The following CYP4X1 variants were observed in gnomAD, a reference collection of about 807,000 sequenced individuals.
CYP4X1 encodes the protein cytochrome P450 family 4 subfamily X member 1, also known as cytochrome P450 4X1.
Under a neutral mutation model 57.9 loss-of-function variants are expected in CYP4X1, and 44 were observed. The ratio of observed to expected loss-of-function variants is 0.76; its 90% CI spans 0.60 to 0.98. The LOEUF (loss-of-function observed/expected upper bound fraction) is 0.98, where lower values mean the gene tolerates loss of function less well. Ranked by LOEUF, CYP4X1 falls within the 50% of genes least tolerant of loss-of-function variation. The probability of loss-of-function intolerance (pLI) is 0.00; values close to 1 mark genes in which losing one functional copy is unlikely to be tolerated. For synonymous variants in CYP4X1, 227 were observed against 228.6 expected (o/e 0.99, Z 0.06); for missense variants, 532 against 623.9 (o/e 0.85, Z 1.57).
At chr1:47,008,020 C>T in the CYP4X1 span, among the ~76,000 whole-genome samples, 3 of 152,180 alleles carry the variant, frequency 2.0e-5, no homozygotes, top group South Asian at 2.1e-4. Flanking sequence ...TCCAGGAGAA[C>T]TTCCCCAATC....
At chr1:47,030,294 C>T (rs1357246807) in intron 2 of CYP4X1, among the ~76,000 whole-genome samples, 163 bp downstream of exon 2, 3 of 152,128 alleles carry the variant, frequency 2.0e-5, no homozygotes, top group Non-Finnish European at 4.4e-5. Flanking sequence ...AGGGGATTCC[C>T]ATATCCTCCC....
At chr1:47,004,299 A>G in the CYP4X1 span, among the ~76,000 whole-genome samples, 1 of 152,162 alleles carries the variant, frequency 6.6e-6, no homozygotes, top group African/African-American at 2.4e-5. Context: ...GTTTTGTCCA[A>G]TTCTTTGTTC....
the CYP4X1 span, among the ~76,000 whole-genome samples, chr1:47,005,606 A>C: frequency 4.6e-5 from 7 of 152,346 alleles, no homozygotes; most frequent in Non-Finnish European, 7.3e-5. Flanking sequence ...TGTTGTGACT[A>C]GCAAATTGGC....
At chr1:46,961,826 CCTA>C in the CYP4X1 span, 1 of 1,239,208 alleles carries the variant, frequency 8.1e-7, no homozygotes. Flanking sequence ...TCTGCCCTGC[CCTA>C]CTTAGTTGGT....
At chr1:46,974,992 G>A in the CYP4X1 span, among the ~76,000 whole-genome samples, 3 of 152,162 alleles carry the variant, frequency 2.0e-5, no homozygotes, top group African/African-American at 7.2e-5. Context: ...ATCTAAGCAT[G>A]TAGTGCATAA....
the CYP4X1 span, among the ~76,000 whole-genome samples, chr1:47,014,034 G>A: frequency 2.6e-5 from 4 of 151,880 alleles, no homozygotes; most frequent in African/African-American, 7.3e-5. Context: ...CTCGGCCTCC[G>A]AAAGTGCTGG....
rs114061113 is a variant in CYP4X1, at chr1:47,034,914, T to G, written c.493-892T>G. Among the ~76,000 whole-genome samples, 1,396 of 152,106 alleles carry G rather than the reference T, an allele frequency of 9.2e-3. 22 individuals carry two copies. Among genetic ancestry groups the G allele is most frequent in the African/African-American group, 0.032 (1,337 of 41,510 alleles). On this transcript the variant is annotated intron_variant, in intron 4 of 11. Coordinates refer to ENST00000371901, the MANE Select transcript of CYP4X1 (RefSeq NM_178033.2). ...TTTTCAAGCTTGGAAGCCTCCCTCCTGTTCTCATTTCTTCTACATTCACCA... is the reference window on the plus strand; with the variant it reads ...TTTTCAAGCTTGGAAGCCTCCCTCCGGTTCTCATTTCTTCTACATTCACCA...
chr1:47,041,315 G>A (rs759416554), intron 8 of CYP4X1, among the ~76,000 whole-genome samples: 1 of 151,956 alleles, frequency 6.6e-6, no homozygotes, highest in Non-Finnish European at 1.5e-5. Context: ...ATCCAGAAGT[G>A]GAATTGCTGC....
chr1:47,013,063 C>G, the CYP4X1 span, among the ~76,000 whole-genome samples: 2 of 151,724 alleles, frequency 1.3e-5, no homozygotes, highest in Non-Finnish European at 2.9e-5. Context: ...ACCGTTTTCT[C>G]GATGGTAGGC....
At position 47,030,143 on chromosome 1, in the gene CYP4X1, G is replaced by A. The variant is rs1391028433; in HGVS notation, c.319+12G>A. On this transcript the variant is annotated intron_variant, in intron 2 of 11. Transcript: ENST00000371901. Reference sequence around the variant, plus strand: ...TCTGAGCAGAACAGGTAAGAAGAGGGGGAAAGCTCTGGGACCTATTCCTCC... The same window carrying A: ...TCTGAGCAGAACAGGTAAGAAGAGGAGGAAAGCTCTGGGACCTATTCCTCC... 4 of 1,604,690 alleles carry A rather than the reference G, an allele frequency of 2.5e-6. No homozygotes were observed. In the African/African-American group the frequency reaches 4.0e-5, roughly 16 times the overall value.
chr1:47,004,757 C>T, the CYP4X1 span, among the ~76,000 whole-genome samples: 2 of 152,170 alleles, frequency 1.3e-5, no homozygotes, highest in Admixed American at 6.5e-5. Context: ...GGAGGAAGGA[C>T]TCTTTTCTAT....
upstream of CYP4X1, among the ~76,000 whole-genome samples, chr1:47,019,553 G>A (rs1012572997): frequency 6.6e-6 from 1 of 152,158 alleles, no homozygotes; most frequent in Non-Finnish European, 1.5e-5. Flanking sequence ...TTGTTATGGA[G>A]GCCTGTATTA....
intron 1 of CYP4X1, 119 bp from the exon 2 acceptor site, chr1:47,029,871 A>G: frequency 9.0e-7 from 1 of 1,105,370 alleles, no homozygotes; most frequent in East Asian, 2.4e-5. Flanking sequence ...TGTCACTTCC[A>G]GAAAAGTCTC....
At chr1:46,995,828 C>T in the CYP4X1 span, among the ~76,000 whole-genome samples, 7 of 152,244 alleles carry the variant, frequency 4.6e-5, no homozygotes, top group Non-Finnish European at 7.3e-5. Flanking sequence ...CATGCAACAA[C>T]GTACACCCCA....
At chr1:47,039,967 T>A (rs1265984125) in intron 8 of CYP4X1, among the ~76,000 whole-genome samples, 2 of 152,072 alleles carry the variant, frequency 1.3e-5, no homozygotes, top group African/African-American at 2.4e-5. Flanking sequence ...ATTTTATTCC[T>A]CAGGATTGAT....
chr1:47,001,268 C>T, the CYP4X1 span, among the ~76,000 whole-genome samples: 1 of 152,244 alleles, frequency 6.6e-6, no homozygotes, highest in Admixed American at 6.5e-5. Context: ...ATTCCTACCT[C>T]TGCTCTCAGC....
At chr1:46,975,508 T>C in the CYP4X1 span, among the ~76,000 whole-genome samples, 1 of 152,154 alleles carries the variant, frequency 6.6e-6, no homozygotes, top group South Asian at 2.1e-4. Flanking sequence ...TCCTCTGGTT[T>C]GTAGATTTTC....
the CYP4X1 span, among the ~76,000 whole-genome samples, chr1:46,981,141 T>G: frequency 6.6e-6 from 1 of 152,184 alleles, no homozygotes; most frequent in South Asian, 2.1e-4. Flanking sequence ...TGGGATCTAA[T>G]TAAACTAAAG....
chr1:47,011,454 C>G, the CYP4X1 span, among the ~76,000 whole-genome samples: 1 of 152,052 alleles, frequency 6.6e-6, no homozygotes, highest in African/African-American at 2.4e-5. Context: ...CCATAAAAAC[C>G]CTAGAAGAAA....
Sources: gnomAD v4.1 joint callset for allele counts (sites outside exome capture counted in the v4.1 genomes callset) on GRCh38, gnomAD v4.1.1 for gene constraint, MANE v1.5 for transcripts, NCBI Gene and HGNC (gene_info 2026-07-23, HGNC 2026-07-21) for gene names.